The following PLPPR1 variants were observed in gnomAD, a reference collection of about 807,000 sequenced individuals.
PLPPR1 encodes phospholipid phosphatase-related protein type 1.
A neutral mutation model predicts 33.1 loss-of-function variants in PLPPR1; 10 were observed. The observed-to-expected ratio is 0.30, with a 90% CI of 0.19 to 0.51. The LOEUF (loss-of-function observed/expected upper bound fraction) is 0.51, where lower values mean the gene tolerates loss of function less well. Ranked by LOEUF, PLPPR1 falls within the 20% of genes least tolerant of loss-of-function variation. The pLI, the probability that PLPPR1 is intolerant of heterozygous loss-of-function variation, is 0.97. For missense variants in PLPPR1, 304 were observed against 408.1 expected (o/e 0.74, Z 2.20); for synonymous variants, 151 against 151.0 (o/e 1.00, Z 0.00).
intron 1 of PLPPR1, among the ~76,000 whole-genome samples, chr9:101,158,431 A>G (rs1018222083): frequency 1.3e-5 from 2 of 152,182 alleles, no homozygotes; most frequent in Non-Finnish European, 2.9e-5. Context: ...CTCAGTTTGG[A>G]TCTTTCCAGA....
In PLPPR1 at chr9:101,185,466, C is replaced by A; in HGVS notation, c.-29C>A. ...CTATTTCAGCCTGGACAGTTTTTGA[C>A]GGTGCAGTCTTGCTATATGGTGTGA... On this transcript the variant is annotated 5_prime_UTR_variant, in exon 2 of 8. Transcript: ENST00000374874. 6.9e-7 allele frequency: 1 copy of A among 1,454,624 alleles called. No homozygotes were observed. Among genetic ancestry groups the A allele is most frequent in the Non-Finnish European group, 9.6e-7 (1 of 1,042,568 alleles). The allele number at this position is 1,454,624 out of a possible 1,614,324, so 90.1% of individuals were successfully genotyped here.
chr9:101,306,627 T>C (rs558486839), intron 4 of PLPPR1, among the ~76,000 whole-genome samples: 1 of 152,340 alleles, frequency 6.6e-6, no homozygotes, highest in Admixed American at 6.5e-5. Context: ...ATAATTGGCT[T>C]TGGCTTCTCT....
intron 5 of PLPPR1, among the ~76,000 whole-genome samples, chr9:101,311,473 T>C (rs1828954735): frequency 6.6e-6 from 1 of 152,220 alleles, no homozygotes; most frequent in South Asian, 2.1e-4. Context: ...ATGCTTTTAA[T>C]AGTTTTTAAT....
intron 1 of PLPPR1, among the ~76,000 whole-genome samples, chr9:101,139,858 A>C (rs1479360151): frequency 6.6e-6 from 1 of 152,176 alleles, no homozygotes; most frequent in African/African-American, 2.4e-5. Flanking sequence ...TTTGAACTAA[A>C]AGATGAAAGT....
chr9:101,054,248 A>G (rs1332213621), intron 1 of PLPPR1, among the ~76,000 whole-genome samples: 1 of 152,186 alleles, frequency 6.6e-6, no homozygotes, highest in Non-Finnish European at 1.5e-5. Flanking sequence ...TTCAATATCA[A>G]AAACTATTAA....
intron 1 of PLPPR1, among the ~76,000 whole-genome samples, chr9:101,041,949 T>C (rs1830082662): frequency 1.3e-5 from 2 of 152,204 alleles, no homozygotes; most frequent in African/African-American, 4.8e-5. Context: ...AAAGAGAATA[T>C]GATGGCCTAG....
intron 1 of PLPPR1, among the ~76,000 whole-genome samples, chr9:101,108,021 C>T (rs1350552564): frequency 2.0e-5 from 3 of 148,754 alleles, no homozygotes; most frequent in Admixed American, 6.6e-5. Context: ...GCACGGTGCG[C>T]GCACACACTG....
At chr9:101,092,122 C>T (rs942237794) in intron 1 of PLPPR1, among the ~76,000 whole-genome samples, 1 of 152,142 alleles carries the variant, frequency 6.6e-6, no homozygotes, top group Non-Finnish European at 1.5e-5. Context: ...ACCTCTGGGC[C>T]CGTACACCTG....
At chr9:101,295,188 A>G (rs1231922316) in intron 4 of PLPPR1, among the ~76,000 whole-genome samples, 4 of 151,574 alleles carry the variant, frequency 2.6e-5, no homozygotes, top group Non-Finnish European at 5.9e-5. Flanking sequence ...TCATGAGTGA[A>G]CTCCCATTCA....
chr9:101,165,112 C>A (rs541191333), intron 1 of PLPPR1, among the ~76,000 whole-genome samples: 1 of 152,212 alleles, frequency 6.6e-6, no homozygotes, highest in Admixed American at 6.5e-5. Flanking sequence ...TCAGAGATCC[C>A]TGTTGATTAT....
chr9:101,087,130 A>G (rs991134575), intron 1 of PLPPR1, among the ~76,000 whole-genome samples: 5 of 151,760 alleles, frequency 3.3e-5, no homozygotes, highest in Non-Finnish European at 5.9e-5. Flanking sequence ...GTGAGCCAAG[A>G]CTGCGCCACT....
intron 3 of PLPPR1, among the ~76,000 whole-genome samples, chr9:101,277,773 G>C (rs1414796134): frequency 6.6e-6 from 1 of 152,130 alleles, no homozygotes; most frequent in Non-Finnish European, 1.5e-5. Flanking sequence ...CCAGGACTGG[G>C]CACAATGATT....
chr9:101,181,608 ATGTGTG>A (rs374750617), intron 1 of PLPPR1, among the ~76,000 whole-genome samples: 1,528 of 129,702 alleles, frequency 0.012, 10 homozygotes, highest in Middle Eastern at 0.024. Context: ...GGGTATATGT[ATGTGTG>A]TGTGTGTGTG....
chr9:101,038,976 G>C (rs373885892), intron 1 of PLPPR1, among the ~76,000 whole-genome samples: 1 of 152,014 alleles, frequency 6.6e-6, no homozygotes, highest in Non-Finnish European at 1.5e-5. Flanking sequence ...TAAACATATT[G>C]GTAGAGATTT....
At chr9:101,243,311 G>T (rs1827517179) in intron 2 of PLPPR1, among the ~76,000 whole-genome samples, 1 of 152,008 alleles carries the variant, frequency 6.6e-6, no homozygotes, top group African/African-American at 2.4e-5. Flanking sequence ...ATTAGTGGAA[G>T]TGAAGCAAAT....
intron 1 of PLPPR1, among the ~76,000 whole-genome samples, chr9:101,156,064 G>C (rs903457507): frequency 1.3e-5 from 2 of 152,164 alleles, no homozygotes; most frequent in Admixed American, 6.5e-5. Context: ...TTATAGCAGA[G>C]AACAAAAGAG....
At chr9:101,182,896 C>T (rs562325503) in intron 1 of PLPPR1, among the ~76,000 whole-genome samples, 1 of 151,628 alleles carries the variant, frequency 6.6e-6, no homozygotes, top group South Asian at 2.1e-4. Context: ...GAAAGATGCT[C>T]AACATAATTT....
At chr9:101,246,817 A>G (rs1341235851) in intron 2 of PLPPR1, among the ~76,000 whole-genome samples, 2 of 152,040 alleles carry the variant, frequency 1.3e-5, no homozygotes, top group African/African-American at 4.8e-5. Context: ...CCTAGGTCTC[A>G]GAGTTAACCA....
intron 1 of PLPPR1, among the ~76,000 whole-genome samples, chr9:101,104,472 C>A (rs1182482964): frequency 9.1e-6 from 1 of 110,308 alleles, no homozygotes; most frequent in African/African-American, 4.1e-5. Flanking sequence ...ATATATTGAA[C>A]CAGCCTTGCA....
Sources: gnomAD v4.1 joint callset for allele counts (sites outside exome capture counted in the v4.1 genomes callset) on GRCh38, gnomAD v4.1.1 for gene constraint, MANE v1.5 for transcripts, NCBI Gene and HGNC (gene_info 2026-07-23, HGNC 2026-07-21) for gene names.